Variants in BTNL8 observed in about 807,000 individuals in gnomAD.
BTNL8 encodes the protein butyrophilin like 8, also known as butyrophilin-like protein 8.
Under a neutral mutation model 36.1 loss-of-function variants are expected in BTNL8, and 22 were observed. That is an observed-to-expected ratio of 0.61 (90% CI 0.44 to 0.87). BTNL8 has a LOEUF of 0.87. Ranked by LOEUF, BTNL8 falls within the 40% of genes least tolerant of loss-of-function variation. BTNL8 has a pLI of 0.00. For missense variants in BTNL8, 526 were observed against 616.9 expected, an observed-to-expected ratio of 0.85 and a Z score of 1.56; for synonymous variants, 203 against 235.6, an observed-to-expected ratio of 0.86 and a Z score of 1.27.
intron 3 of BTNL8, among the ~76,000 whole-genome samples, chr5:180,944,832 T>C (rs1400672282): frequency 6.6e-6 from 1 of 152,050 alleles, no homozygotes; most frequent in Non-Finnish European, 1.5e-5. Context: ...TGAACACAAA[T>C]AAAGGAAATA....
intron 1 of BTNL8, among the ~76,000 whole-genome samples, chr5:180,902,615 G>A (rs1055518645): frequency 6.6e-5 from 10 of 150,428 alleles, no homozygotes; most frequent in African/African-American, 1.7e-4. Context: ...ATGCTGGTGC[G>A]CTGCACCCAC....
At chr5:180,925,129 A>G (rs1009483349) in intron 3 of BTNL8, among the ~76,000 whole-genome samples, 2 of 152,166 alleles carry the variant, frequency 1.3e-5, no homozygotes, top group African/African-American at 4.8e-5. Flanking sequence ...AGAATAAAAA[A>G]TGAAAAAGAC....
intron 3 of BTNL8, among the ~76,000 whole-genome samples, chr5:180,933,772 ATAAG>A (rs1168214548): frequency 1.3e-5 from 2 of 152,190 alleles, no homozygotes; most frequent in African/African-American, 4.8e-5. Flanking sequence ...CAGAACAATA[ATAAG>A]TAAGGAGACT....
At position 180,935,134 on chromosome 5, in the gene BTNL8, T is replaced by C. The variant is rs1758585252; in HGVS notation, c.674-12378T>C. ...CCAGAAGGAAGGGAGTGCATGCTGA[T>C]TGGTTCATGGATGGCCATGGGTGGC... On this transcript the variant is annotated intron_variant, in intron 3 of 7. Transcript: ENST00000340184. This position sits in a 1 kb window ranked among gnomAD's most constrained non-coding sequence, Gnocchi z 4.8. 6.6e-6 allele frequency among the ~76,000 whole-genome samples: 1 copy of C among 152,150 alleles called. No individual in the cohort carries two copies. Among genetic ancestry groups the C allele is most frequent in the South Asian group, 2.1e-4 (1 of 4,824 alleles).
chr5:180,900,361 C>T (rs1470991749), intron 1 of BTNL8, among the ~76,000 whole-genome samples: 2 of 152,236 alleles, frequency 1.3e-5, no homozygotes, highest in East Asian at 1.9e-4. Flanking sequence ...GATACGATCA[C>T]ATTCCTGCTG....
chr5:180,911,847 A>G (rs1010221895), intron 3 of BTNL8, among the ~76,000 whole-genome samples: 2 of 152,202 alleles, frequency 1.3e-5, no homozygotes, highest in African/African-American at 4.8e-5. Context: ...TTCAGCTGTG[A>G]CGTAACCCTG....
At chr5:180,925,233 T>C (rs1357437038) in intron 3 of BTNL8, among the ~76,000 whole-genome samples, 4 of 152,218 alleles carry the variant, frequency 2.6e-5, no homozygotes, top group Admixed American at 1.3e-4. Flanking sequence ...CGAAGGCATA[T>C]TTAAGAAAAT....
intron 2 of BTNL8, 103 bp from the exon 3 acceptor site, chr5:180,911,236 A>C: frequency 1.3e-6 from 2 of 1,517,936 alleles, no homozygotes; most frequent in Non-Finnish European, 1.8e-6. Context: ...TGTGTGTGTA[A>C]GAGAGAGAAT....
At chr5:180,899,700 G>C (rs1052151469) in intron 1 of BTNL8, among the ~76,000 whole-genome samples, 6 of 152,226 alleles carry the variant, frequency 3.9e-5, no homozygotes, top group African/African-American at 1.2e-4. Context: ...AAGAGACACA[G>C]TTAGGATTTT....
Position 180,950,617 on chromosome 5 carries a change from C to A in BTNL8, c.*73C>A. On this transcript the variant is annotated 3_prime_UTR_variant, in exon 8 of 8. Transcript: ENST00000340184. ...CCCAGATCCAAAGTCCCGCAGCAGCCGGCCAAGGTGGCTTCCAGATGAAGG... is the reference window on the plus strand; with the variant it reads ...CCCAGATCCAAAGTCCCGCAGCAGCAGGCCAAGGTGGCTTCCAGATGAAGG... 7.2e-7 allele frequency: 1 copy of A among 1,384,644 alleles called. No individual in the cohort carries two copies. Among genetic ancestry groups the A allele is most frequent in the Non-Finnish European group, 9.9e-7 (1 of 1,011,562 alleles). The allele number at this position is 1,384,644 out of a possible 1,614,324, so 85.8% of individuals were successfully genotyped here.
At chr5:180,913,470 C>T (rs991330049) in intron 3 of BTNL8, among the ~76,000 whole-genome samples, 1 of 152,192 alleles carries the variant, frequency 6.6e-6, no homozygotes, top group African/African-American at 2.4e-5. Flanking sequence ...GTGTACTACA[C>T]TCCAAAAGAG....
chr5:180,906,191 C>T (rs1258530804), intron 1 of BTNL8, among the ~76,000 whole-genome samples: 2 of 148,512 alleles, frequency 1.3e-5, no homozygotes, highest in Non-Finnish European at 1.5e-5. Context: ...ACTTGCTTTA[C>T]GAATCTTGGT....
intron 1 of BTNL8, 61 bp downstream of exon 1, chr5:180,899,420 G>A: frequency 6.5e-7 from 1 of 1,530,056 alleles, no homozygotes; most frequent in South Asian, 1.1e-5. Flanking sequence ...AGCTACAATG[G>A]TTGCAGCATA....
intron 3 of BTNL8, among the ~76,000 whole-genome samples, chr5:180,923,547 A>G (rs1267070648): frequency 6.6e-6 from 1 of 152,094 alleles, no homozygotes; most frequent in Non-Finnish European, 1.5e-5. Flanking sequence ...AAAAATACCC[A>G]TAGCTACCAT....
chr5:180,903,368 GTTGT>G (rs1452534179), intron 1 of BTNL8, among the ~76,000 whole-genome samples: 1 of 100,368 alleles, frequency 1.0e-5, no homozygotes, highest in Non-Finnish European at 1.9e-5. Flanking sequence ...TTTTGATGGG[GTTGT>G]TTGTTTTTTT....
chr5:180,929,073 T>C (rs1758242402), intron 3 of BTNL8, among the ~76,000 whole-genome samples: 1 of 152,064 alleles, frequency 6.6e-6, no homozygotes, highest in African/African-American at 2.4e-5. Flanking sequence ...AACAGAACAC[T>C]CCTCAGCAAA....
intron 3 of BTNL8, among the ~76,000 whole-genome samples, chr5:180,930,098 A>G (rs1261892222): frequency 6.6e-6 from 1 of 152,240 alleles, no homozygotes; most frequent in Non-Finnish European, 1.5e-5. Flanking sequence ...CCAGCAGCAC[A>G]TCAAAAACCG....
At chr5:180,925,460 C>T (rs1286926193) in intron 3 of BTNL8, among the ~76,000 whole-genome samples, 2 of 152,196 alleles carry the variant, frequency 1.3e-5, no homozygotes, top group Non-Finnish European at 2.9e-5. Flanking sequence ...CAGCCTTTCT[C>T]TTAGCAGCAA....
chr5:180,917,860 C>T (rs978129731), intron 3 of BTNL8, among the ~76,000 whole-genome samples: 1 of 151,410 alleles, frequency 6.6e-6, no homozygotes, highest in Non-Finnish European at 1.5e-5. Context: ...AACCCTGTCT[C>T]TACTAAAAAT....
Sources: allele counts gnomAD v4.1 joint callset (sites outside exome capture counted in the v4.1 genomes callset), GRCh38; gene constraint gnomAD v4.1.1; non-coding constraint Gnocchi (gnomAD v3.1); transcripts MANE v1.5; gene names NCBI Gene and HGNC (gene_info 2026-07-23, HGNC 2026-07-21).